The following NFYA variants were observed in gnomAD, a reference collection of about 807,000 sequenced individuals.
The protein encoded by NFYA is CAAT-box DNA binding protein subunit A.
NFYA carries 28 observed loss-of-function variants against 52.8 expected under a neutral mutation model. The observed-to-expected ratio is 0.53, with a 90% CI of 0.39 to 0.73. The LOEUF (loss-of-function observed/expected upper bound fraction) is 0.73, where lower values mean the gene tolerates loss of function less well. NFYA is among the 30% of genes least tolerant of loss of function. The pLI is 0.00. For missense variants in NFYA, 234 were observed against 427.0 expected, an observed-to-expected ratio of 0.55 and a Z score of 3.98; for synonymous variants, 150 against 150.7, an observed-to-expected ratio of 1.00 and a Z score of 0.03.
rs1764415900 is a variant in NFYA at position 41,098,400 on chromosome 6, G to C, written c.*990G>C. The C allele has an allele frequency of 6.6e-6, 1 of 152,208 alleles. No homozygotes were observed. Among genetic ancestry groups the C allele is most frequent in the Non-Finnish European group, 1.5e-5 (1 of 68,068 alleles). The allele number at this position is 152,208 out of a possible 1,614,324, so 9.4% of individuals were successfully genotyped here. On this transcript the variant is annotated 3_prime_UTR_variant, in exon 10 of 10. Transcript: ENST00000341376. ...TGGGGGAGAGGAAGAGAGAGAGAGA[G>C]CATGTATACCCGTATGTTATCATAG...
chr6:41,088,963 A>G (rs1422238499), intron 4 of NFYA, among the ~76,000 whole-genome samples: 1 of 152,088 alleles, frequency 6.6e-6, no homozygotes, highest in Non-Finnish European at 1.5e-5. Flanking sequence ...AAAAAATAAT[A>G]ATAAAGCACT....
rs1358321892 is a variant in NFYA, at chr6:41,079,017, C to A, written c.-61-12C>A. ...AATCTCACTTTAGTTTCTTTCCCCA[C>A]CTTTCTAACAGGAGTGTACCTCACA... On this transcript the variant is annotated splice_polypyrimidine_tract_variant and intron_variant, in intron 1 of 9. Coordinates refer to ENST00000341376, the MANE Select transcript of NFYA (RefSeq NM_002505.5). 4 of 1,373,536 alleles carry A rather than the reference C, an allele frequency of 2.9e-6. No individual in the cohort carries two copies. The highest frequency in any genetic ancestry group is 2.9e-5 in the African/African-American group (2 of 70,028). The allele number at this position is 1,373,536 out of a possible 1,614,324, so 85.1% of individuals were successfully genotyped here. A position where few individuals can be genotyped will look rare whatever the true frequency, so the allele number is the denominator to read the frequency against.
intron 1 of NFYA, among the ~76,000 whole-genome samples, chr6:41,077,739 G>A (rs1317930504): frequency 6.6e-6 from 1 of 152,084 alleles, no homozygotes; most frequent in Non-Finnish European, 1.5e-5. Flanking sequence ...TTTGCTCCCT[G>A]TTGGCCAATC....
chr6:41,078,645 G>A (rs1427815994), intron 1 of NFYA, among the ~76,000 whole-genome samples: 1 of 152,138 alleles, frequency 6.6e-6, no homozygotes, highest in Non-Finnish European at 1.5e-5. Context: ...TAACATGTTT[G>A]GTGGGAAGCA....
In NFYA at chr6:41,098,194, A is replaced by C. The variant is rs1275401189; in HGVS notation, c.*784A>C. The C allele has an allele frequency of 2.0e-5, 3 of 152,616 alleles. No homozygotes were observed. The highest frequency in any genetic ancestry group is 7.2e-5 in the African/African-American group (3 of 41,456). 9.5% of individuals were successfully genotyped at this position (152,616 alleles called of 1,614,324 possible). A position where few individuals can be genotyped will look rare whatever the true frequency, so the allele number is the denominator to read the frequency against. Reference sequence around the variant, plus strand: ...TCTAAGACAATGTAGAGGGTTATTAAACCTTGAAACTGCCTTTCCTAAGTA... The same window carrying C: ...TCTAAGACAATGTAGAGGGTTATTACACCTTGAAACTGCCTTTCCTAAGTA... On this transcript the variant is annotated 3_prime_UTR_variant, in exon 10 of 10. Coordinates refer to ENST00000341376, the MANE Select transcript of NFYA (RefSeq NM_002505.5).
chr6:41,080,809 A>G lies in NFYA; in HGVS notation c.76-2A>G. ...TCAAGCTCTTCCTGTTCCTGTTCTCAGCAGCAGGGTGGTGTCACTGCTGTG... is the reference window on the plus strand; with the variant it reads ...TCAAGCTCTTCCTGTTCCTGTTCTCGGCAGCAGGGTGGTGTCACTGCTGTG... On this transcript the variant is annotated splice_acceptor_variant, in intron 2 of 9. Coordinates refer to ENST00000341376, the MANE Select transcript of NFYA (RefSeq NM_002505.5). LOFTEE classifies it high-confidence loss of function. 2.5e-6 allele frequency: 4 copies of G among 1,612,672 alleles called. No individual in the cohort carries two copies.
intron 9 of NFYA, among the ~76,000 whole-genome samples, chr6:41,095,187 C>T (rs1444019266): frequency 1.3e-5 from 2 of 152,194 alleles, no homozygotes; most frequent in East Asian, 3.9e-4. Context: ...TTCCCATTTG[C>T]ACTTAGACTG....
chr6:41,087,461 AATT>A (rs1764078982), intron 4 of NFYA, among the ~76,000 whole-genome samples: 1 of 152,140 alleles, frequency 6.6e-6, no homozygotes, highest in Non-Finnish European at 1.5e-5. Flanking sequence ...CCCAAGTTGA[AATT>A]ATGGATGGAA....
chr6:41,090,412 AT>A, intron 6 of NFYA, 103 bp downstream of exon 6: 3 of 594,796 alleles, frequency 5.0e-6, no homozygotes, highest in Non-Finnish European at 9.1e-6. Flanking sequence ...GACACTACAT[AT>A]TTTTTGGACA....
At chr6:41,088,032 T>C (rs1350438653) in intron 4 of NFYA, among the ~76,000 whole-genome samples, 1 of 152,206 alleles carries the variant, frequency 6.6e-6, no homozygotes, top group Non-Finnish European at 1.5e-5. Flanking sequence ...TGAGTATTGG[T>C]AATTGGAAAC....
intron 9 of NFYA, among the ~76,000 whole-genome samples, chr6:41,094,951 C>T (rs1222145558): frequency 6.6e-6 from 1 of 152,182 alleles, no homozygotes; most frequent in Non-Finnish European, 1.5e-5. Context: ...TTTATTACCC[C>T]ATCACAAATA....
chr6:41,089,398 C>T (rs146846084), intron 4 of NFYA, among the ~76,000 whole-genome samples, 181 bp from the exon 5 acceptor site: 511 of 152,312 alleles, frequency 3.4e-3, no homozygotes, highest in Admixed American at 7.6e-3. Context: ...TGTCGAAATT[C>T]CCTATTTGTT....
chr6:41,081,000 T>C, intron 3 of NFYA, 103 bp downstream of exon 3: 3 of 826,130 alleles, frequency 3.6e-6, no homozygotes, highest in Non-Finnish European at 4.0e-6. Context: ...GCAAAGTCAG[T>C]TGCATGTCTT....
At chr6:41,088,453 T>C (rs1023890396) in intron 4 of NFYA, among the ~76,000 whole-genome samples, 1 of 151,250 alleles carries the variant, frequency 6.6e-6, no homozygotes, top group Non-Finnish European at 1.5e-5. Flanking sequence ...AAATTTATTT[T>C]ATAGTTTCTG....
chr6:41,084,556 G>A (rs757183551), intron 4 of NFYA, among the ~76,000 whole-genome samples: 10 of 152,276 alleles, frequency 6.6e-5, no homozygotes, highest in African/African-American at 1.4e-4. Context: ...GAAAACTGAC[G>A]TATAGAAAGG....
At chr6:41,074,203 C>A (rs1582017141) in intron 1 of NFYA, among the ~76,000 whole-genome samples, 1 of 152,202 alleles carries the variant, frequency 6.6e-6, no homozygotes, top group East Asian at 1.9e-4. Context: ...TTTTCTGATA[C>A]ACTTTCAAGT....
At chr6:41,083,472 G>A (rs192016909) in intron 3 of NFYA, among the ~76,000 whole-genome samples, 1 of 151,906 alleles carries the variant, frequency 6.6e-6, no homozygotes, top group Non-Finnish European at 1.5e-5. Flanking sequence ...AGTAAAATGA[G>A]CAGGATAAAG....
chr6:41,087,072 T>A (rs1438525659), intron 4 of NFYA, among the ~76,000 whole-genome samples: 1 of 152,208 alleles, frequency 6.6e-6, no homozygotes, highest in Non-Finnish European at 1.5e-5. Context: ...ATTCAGAATA[T>A]GTATAAATAA....
chr6:41,089,984 G>A (rs893825576), intron 5 of NFYA, among the ~76,000 whole-genome samples: 1 of 152,170 alleles, frequency 6.6e-6, no homozygotes, highest in Admixed American at 6.5e-5. Context: ...GGTGGCGCAT[G>A]CCTGTAATCC....
Sources: allele counts gnomAD v4.1 joint callset (sites outside exome capture counted in the v4.1 genomes callset), GRCh38; gene constraint gnomAD v4.1.1; transcripts MANE v1.5; gene names NCBI Gene and HGNC (gene_info 2026-07-23, HGNC 2026-07-21).